Variants in FOXP2 observed in about 807,000 individuals in gnomAD.
FOXP2 encodes the protein forkhead box protein P2.
In FOXP2, 12 loss-of-function variants were observed where a neutral mutation model predicts 115.8. The ratio of observed to expected loss-of-function variants is 0.10; its 90% CI spans 0.07 to 0.17. The LOEUF is 0.17. FOXP2 is among the 10% of genes least tolerant of loss of function. The pLI, the probability that FOXP2 is intolerant of heterozygous loss-of-function variation, is 1.00. For missense variants in FOXP2, 629 were observed against 843.5 expected, an observed-to-expected ratio of 0.75 and a Z score of 3.15; for synonymous variants, 328 against 297.7, an observed-to-expected ratio of 1.10 and a Z score of -1.05.
At chr7:114,408,791 A>C (rs1305092037) in intron 2 of FOXP2, among the ~76,000 whole-genome samples, 1 of 152,092 alleles carries the variant, frequency 6.6e-6, no homozygotes, top group Non-Finnish European at 1.5e-5. Flanking sequence ...TTATCTTTTC[A>C]TATCAGCAGT....
chr7:114,415,436 G>A, intron 1 of FOXP2, 76 bp downstream of exon 1: 1 of 369,390 alleles, frequency 2.7e-6, no homozygotes, highest in Non-Finnish European at 5.2e-6. Flanking sequence ...TTTACTGGTA[G>A]ATTTGGCAAT....
rs557604127 is a variant in FOXP2 at position 114,283,508 on chromosome 7, CAATT to C, written c.-101-4508_-101-4505del. Among the ~76,000 whole-genome samples, 380 of 152,132 alleles carry C rather than the reference CAATT, an allele frequency of 2.5e-3. 1 individual carries two copies. Among genetic ancestry groups the C allele is most frequent in the African/African-American group, 8.4e-3 (349 of 41,536 alleles). On this transcript the variant is annotated intron_variant, in intron 1 of 17. Coordinates refer to the FOXP2 transcript ENST00000634411. ...AATGTTTTCCTTTTCATTTAGAAAA[CAATT>C]AAATGACAGTATTTCTTTTAGGATT...
chr7:114,174,032 AT>A (rs1793221463), intron 1 of FOXP2, among the ~76,000 whole-genome samples: 1 of 151,998 alleles, frequency 6.6e-6, no homozygotes, highest in Non-Finnish European at 1.5e-5. Context: ...GTTATATAAA[AT>A]TTAAATGATC....
intron 1 of FOXP2, among the ~76,000 whole-genome samples, chr7:114,257,800 T>C (rs909531024): frequency 1.3e-5 from 2 of 152,102 alleles, no homozygotes; most frequent in Non-Finnish European, 2.9e-5. Flanking sequence ...GCAAACCAGA[T>C]AAACTGTTGC....
chr7:114,604,387 A>T (rs1803194892), intron 3 of FOXP2, among the ~76,000 whole-genome samples: 2 of 152,234 alleles, frequency 1.3e-5, no homozygotes, highest in Non-Finnish European at 2.9e-5. Flanking sequence ...CATTCAGTGT[A>T]TAACAATGCC....
chr7:114,686,859 C>A (rs1302909315), intron 16 of FOXP2, among the ~76,000 whole-genome samples: 1 of 151,562 alleles, frequency 6.6e-6, no homozygotes, highest in East Asian at 1.9e-4. Flanking sequence ...TTTAATGAGC[C>A]GAACACTTCT....
chr7:114,309,853 T>C (rs1290725450), intron 2 of FOXP2, among the ~76,000 whole-genome samples: 1 of 149,692 alleles, frequency 6.7e-6, no homozygotes, highest in Non-Finnish European at 1.5e-5. Context: ...TTTTTAGATA[T>C]GGGGGCTTGC....
At chr7:114,682,122 C>T (rs1808115627) in intron 16 of FOXP2, among the ~76,000 whole-genome samples, 2 of 152,062 alleles carry the variant, frequency 1.3e-5, no homozygotes, top group South Asian at 4.1e-4. Context: ...GTTTTCCTTG[C>T]TTTATGGGTA....
At chr7:114,178,898 T>G (rs1218709485) in intron 1 of FOXP2, among the ~76,000 whole-genome samples, 1 of 151,924 alleles carries the variant, frequency 6.6e-6, no homozygotes, top group African/African-American at 2.4e-5. Flanking sequence ...TCCCTCCCTC[T>G]TTTTCTTTAT....
intron 1 of FOXP2, among the ~76,000 whole-genome samples, chr7:114,237,908 G>T (rs1218973132): frequency 1.3e-5 from 2 of 152,154 alleles, no homozygotes; most frequent in Non-Finnish European, 2.9e-5. Context: ...CCAGGAGGCA[G>T]AGGTTATAGT....
chr7:114,227,231 T>C (rs1794766282), intron 1 of FOXP2, among the ~76,000 whole-genome samples: 1 of 152,102 alleles, frequency 6.6e-6, no homozygotes, highest in Non-Finnish European at 1.5e-5. Flanking sequence ...GGAATCATTG[T>C]GAGCATGGAA....
chr7:114,182,845 A>G (rs982839444), intron 1 of FOXP2, among the ~76,000 whole-genome samples: 1 of 152,144 alleles, frequency 6.6e-6, no homozygotes, highest in Admixed American at 6.6e-5. Flanking sequence ...GTATATTTAT[A>G]CATAATGTAC....
chr7:114,370,715 T>C (rs1470775445), intron 2 of FOXP2, among the ~76,000 whole-genome samples: 1 of 152,258 alleles, frequency 6.6e-6, no homozygotes, highest in Non-Finnish European at 1.5e-5. Context: ...TTTTGATAAT[T>C]ACAGAAGATA....
chr7:114,343,925 AC>A (rs1238073799), intron 2 of FOXP2, among the ~76,000 whole-genome samples: 2 of 151,194 alleles, frequency 1.3e-5, no homozygotes, highest in Non-Finnish European at 3.0e-5. Flanking sequence ...TGTCTTCCTC[AC>A]CCCCACCTCC....
chr7:114,469,704 C>T (rs1442153009), intron 2 of FOXP2, among the ~76,000 whole-genome samples: 1 of 151,968 alleles, frequency 6.6e-6, no homozygotes. Flanking sequence ...ATAGCTATAA[C>T]CTTCTTTTAT....
chr7:114,609,674 A>C (rs2129317481), intron 3 of FOXP2, among the ~76,000 whole-genome samples: 1 of 152,252 alleles, frequency 6.6e-6, no homozygotes, highest in Admixed American at 6.5e-5. Context: ...AAATTTCTTT[A>C]ATGTGAACCT....
At chr7:114,200,961 C>A (rs983543574) in intron 1 of FOXP2, among the ~76,000 whole-genome samples, 2 of 152,186 alleles carry the variant, frequency 1.3e-5, no homozygotes, top group Middle Eastern at 3.4e-3. Flanking sequence ...TCGGGACCAG[C>A]CTGGCTAACA....
chr7:114,121,497 C>T (rs1791565481), intron 1 of FOXP2, among the ~76,000 whole-genome samples: 1 of 152,080 alleles, frequency 6.6e-6, no homozygotes, highest in South Asian at 2.1e-4. Flanking sequence ...ATTGAAGATA[C>T]CTAGTTGGCA....
chr7:114,208,606 TC>T (rs1481761681), intron 1 of FOXP2, among the ~76,000 whole-genome samples: 5 of 151,950 alleles, frequency 3.3e-5, no homozygotes, highest in African/African-American at 1.2e-4. Context: ...GTGTCCCCAC[TC>T]AAATCTCATC....
Sources: allele counts gnomAD v4.1 joint callset (sites outside exome capture counted in the v4.1 genomes callset), GRCh38; gene constraint gnomAD v4.1.1; transcripts MANE v1.5; gene names NCBI Gene and HGNC (gene_info 2026-07-23, HGNC 2026-07-21).